Variants in TRPC5 observed in about 807,000 individuals in gnomAD.
TRPC5 encodes short transient receptor potential channel 5.
In TRPC5, 9 loss-of-function variants were observed where a neutral mutation model predicts 56.5. The ratio of observed to expected loss-of-function variants is 0.16; its 90% CI spans 0.10 to 0.28. The LOEUF (loss-of-function observed/expected upper bound fraction) is 0.28. Ranked by LOEUF, TRPC5 falls within the 10% of genes least tolerant of loss-of-function variation. TRPC5 has a pLI of 1.00. For synonymous variants in TRPC5, 282 were observed against 278.5 expected (o/e 1.01, Z -0.13); for missense variants, 469 against 748.9 (o/e 0.63, Z 4.36).
intron 3 of TRPC5, among the ~76,000 whole-genome samples, chrX:111,869,723 T>A (rs1478789798): frequency 8.9e-6 from 1 of 112,037 alleles, no homozygotes; most frequent in Non-Finnish European, 1.9e-5. Context: ...TGCAACAGAA[T>A]TAAGACTAAT....
intron 1 of TRPC5, among the ~76,000 whole-genome samples, chrX:112,068,216 T>G (rs1440556699): frequency 1.8e-5 from 2 of 112,567 alleles, no homozygotes; most frequent in Admixed American, 9.3e-5. Flanking sequence ...TCTTTCCTGC[T>G]GTCTGTAGTT....
intron 2 of TRPC5, among the ~76,000 whole-genome samples, chrX:111,941,469 T>C (rs1300323065): frequency 1.8e-5 from 2 of 112,071 alleles, no homozygotes; most frequent in Admixed American, 1.9e-4. Flanking sequence ...GCTGTGGGTA[T>C]TGTGGTGGTG....
At chrX:111,804,835 CTTTA>C (rs750643369) in intron 7 of TRPC5, among the ~76,000 whole-genome samples, 120 of 111,662 alleles carry the variant, frequency 1.1e-3, no homozygotes, top group Non-Finnish European at 2.1e-3. Context: ...ATTGAATATC[CTTTA>C]TTTCTTTCTC....
intron 1 of TRPC5, among the ~76,000 whole-genome samples, chrX:112,076,678 T>C (rs762742071): frequency 1.3e-3 from 142 of 111,755 alleles, no homozygotes; most frequent in Middle Eastern, 4.6e-3. Context: ...GCTGCATATA[T>C]ATGCAAACAT....
In TRPC5 at chrX:112,024,846, T is replaced by C. The variant is rs1191726701; in HGVS notation, c.-22+57033A>G. On this transcript the variant is annotated intron_variant, in intron 1 of 10. Transcript: ENST00000262839. ...GACTCAATTTATGTGTGACATGACT[T>C]TGGGTAAGTCACCTCCCTGGGATTA... Among the ~76,000 whole-genome samples the C allele has an allele frequency of 1.2e-4, 13 of 112,111 alleles. No homozygotes were observed. In the East Asian group the frequency reaches 3.7e-3, roughly 32 times the overall value.
At chrX:111,905,972 T>G (rs1236111758) in intron 3 of TRPC5, among the ~76,000 whole-genome samples, 1 of 109,245 alleles carries the variant, frequency 9.2e-6, no homozygotes, top group Non-Finnish European at 1.9e-5. Flanking sequence ...AAGATAATTT[T>G]AAGTTTACCA....
intron 7 of TRPC5, among the ~76,000 whole-genome samples, chrX:111,826,397 G>A (rs1040699189): frequency 1.8e-5 from 2 of 112,045 alleles, no homozygotes; most frequent in African/African-American, 3.2e-5. Context: ...ATTACCCAAG[G>A]GAGGAGGGCA....
chrX:111,791,133 G>T (rs1485227695), intron 7 of TRPC5, among the ~76,000 whole-genome samples: 2 of 108,308 alleles, frequency 1.8e-5, no homozygotes, highest in African/African-American at 6.7e-5. Flanking sequence ...GTTGGCTGAG[G>T]ACTGGTTGTG....
intron 1 of TRPC5, among the ~76,000 whole-genome samples, chrX:112,035,956 C>CATAT: frequency 9.5e-6 from 1 of 105,225 alleles, no homozygotes; most frequent in Non-Finnish European, 1.9e-5. Flanking sequence ...TATACACACA[C>CATAT]ACATATATAT....
At chrX:111,931,574 G>C (rs537930904) in intron 2 of TRPC5, among the ~76,000 whole-genome samples, 1 of 112,426 alleles carries the variant, frequency 8.9e-6, no homozygotes, top group South Asian at 3.7e-4. Flanking sequence ...CAGGCACATT[G>C]CGAAGAAGAG....
chrX:111,990,629 A>G (rs1928329443), intron 1 of TRPC5, among the ~76,000 whole-genome samples: 1 of 110,797 alleles, frequency 9.0e-6, no homozygotes, highest in Non-Finnish European at 1.9e-5. Flanking sequence ...AGATCAGAGC[A>G]GACCACCTTT....
chrX:112,038,105 C>T (rs1466741805), intron 1 of TRPC5, among the ~76,000 whole-genome samples: 1 of 111,125 alleles, frequency 9.0e-6, no homozygotes, highest in East Asian at 2.8e-4. Context: ...CATAGTCTTC[C>T]ACCAAGAGAT....
rs1945879244 is a variant in TRPC5 at position 111,776,468 on chromosome X, A to G, written c.2767T>C (p.Ser923Pro). 1.7e-6 allele frequency: 2 copies of G among 1,211,332 alleles called. No homozygotes were observed. The highest frequency in any genetic ancestry group is 2.2e-6 in the Non-Finnish European group (2 of 895,338). The part of the protein sequence containing the change: ...AQSSECPLAC[S>P]SSLHCASSIC... ...CTGGATGCACAGTGAAGAGAGCTGG[A>G]ACAGGCTAGAGGGCATTCACTGCTC... is the stretch of plus-strand genomic sequence containing the variant. The change falls in exon 11 of 11, where the codon TCC becomes CCC. Residue 923 changes from serine to proline, a missense_variant. Physicochemically the swap from Ser to Pro is moderately conservative, Grantham distance 74. This residue lies in a region of TRPC5 where 194 missense variants were observed against 221.8 expected (regional missense o/e 0.87). Transcript: ENST00000262839.
At chrX:111,977,949 CA>C (rs201360326) in intron 1 of TRPC5, among the ~76,000 whole-genome samples, 20 of 105,874 alleles carry the variant, frequency 1.9e-4, no homozygotes, top group African/African-American at 5.8e-4. Flanking sequence ...ATGGCTATTA[CA>C]AAAAAAAACA....
intron 1 of TRPC5, among the ~76,000 whole-genome samples, chrX:112,003,715 G>A (rs1008900795): frequency 9.0e-6 from 1 of 111,608 alleles, no homozygotes; most frequent in Non-Finnish European, 1.9e-5. Flanking sequence ...AAGAACCACT[G>A]AATATGGGGG....
chrX:111,798,980 T>C (rs1006217976), intron 7 of TRPC5, among the ~76,000 whole-genome samples: 1 of 111,920 alleles, frequency 8.9e-6, no homozygotes, highest in Admixed American at 9.5e-5. Flanking sequence ...CTTCTGCCGA[T>C]GAAGTGGCAG....
At chrX:111,823,790 A>C (rs890070325) in intron 7 of TRPC5, among the ~76,000 whole-genome samples, 3 of 111,188 alleles carry the variant, frequency 2.7e-5, no homozygotes, top group Non-Finnish European at 3.8e-5. Context: ...AAGTTAGTCA[A>C]CCAGGGGGAA....
At chrX:111,906,127 G>A (rs1925612103) in intron 3 of TRPC5, among the ~76,000 whole-genome samples, 1 of 110,016 alleles carries the variant, frequency 9.1e-6, no homozygotes, top group Non-Finnish European at 1.9e-5. Flanking sequence ...GGCCAAGACA[G>A]GCGGATTGCC....
chrX:112,004,266 C>T (rs1289932900), intron 1 of TRPC5, among the ~76,000 whole-genome samples: 2 of 109,973 alleles, frequency 1.8e-5, no homozygotes, highest in South Asian at 3.8e-4. Context: ...GTATGGAGAC[C>T]GGAGGGCATA....
Sources: gnomAD v4.1 joint callset for allele counts (sites outside exome capture counted in the v4.1 genomes callset) on GRCh38, gnomAD v4.1.1 for gene constraint, gnomAD v4.1.1 regional missense constraint, MANE v1.5 for transcripts, NCBI Gene and HGNC (gene_info 2026-07-23, HGNC 2026-07-21) for gene names.